The following CRTAC1 variants were observed in gnomAD, a reference collection of about 807,000 sequenced individuals.
CRTAC1 encodes the protein cartilage acidic protein 1.
In CRTAC1, 37 loss-of-function variants were observed where a neutral mutation model predicts 67.8. The ratio of observed to expected loss-of-function variants is 0.55; its 90% CI spans 0.42 to 0.72. CRTAC1 has a LOEUF of 0.72. CRTAC1 is among the 30% of genes least tolerant of loss of function. The pLI, the probability that CRTAC1 is intolerant of heterozygous loss-of-function variation, is 0.00. For missense variants in CRTAC1, 780 were observed against 931.6 expected, an observed-to-expected ratio of 0.84 and a Z score of 2.12; for synonymous variants, 348 against 371.0, an observed-to-expected ratio of 0.94 and a Z score of 0.71.
intron 2 of CRTAC1, among the ~76,000 whole-genome samples, chr10:98,001,560 A>T (rs1427103526): frequency 2.0e-5 from 3 of 152,102 alleles, no homozygotes; most frequent in Admixed American, 6.5e-5. Flanking sequence ...AAAAAAAAAA[A>T]ATGTGACTTA....
At chr10:97,911,173 A>G (rs1255206945) in intron 5 of CRTAC1, among the ~76,000 whole-genome samples, 5 of 152,134 alleles carry the variant, frequency 3.3e-5, no homozygotes, top group African/African-American at 1.2e-4. Context: ...GCCCCTGGAA[A>G]TTCCAGGTGG....
chr10:97,962,770 G>A (rs73332597), intron 2 of CRTAC1, among the ~76,000 whole-genome samples: 3,211 of 150,124 alleles, frequency 0.021, 101 homozygotes, highest in African/African-American at 0.074. Flanking sequence ...CTGTCACCGC[G>A]CATTAAATTA....
At chr10:97,879,885 T>A (rs2136536575) in intron 14 of CRTAC1, 1 of 1,224,004 alleles carries the variant, frequency 8.2e-7, no homozygotes, top group African/African-American at 1.6e-5. Context: ...GGAAGGAGTT[T>A]GGGAAGAAGA....
At chr10:97,952,751 T>C (rs951272509) in intron 2 of CRTAC1, among the ~76,000 whole-genome samples, 2 of 152,106 alleles carry the variant, frequency 1.3e-5, no homozygotes, top group Non-Finnish European at 2.9e-5. Flanking sequence ...TTGAGTCTAG[T>C]ACAAAAAAGA....
chr10:97,969,443 T>C (rs2136651280), intron 2 of CRTAC1, among the ~76,000 whole-genome samples: 1 of 152,330 alleles, frequency 6.6e-6, no homozygotes, highest in Non-Finnish European at 1.5e-5. Flanking sequence ...CCTTCCTTTC[T>C]CTTTCTCCTC....
chr10:97,876,253 C>T (rs2050146199), intron 14 of CRTAC1, among the ~76,000 whole-genome samples: 1 of 152,190 alleles, frequency 6.6e-6, no homozygotes, highest in Admixed American at 6.5e-5. Context: ...CTGTATGACC[C>T]TGCACAAACC....
chr10:97,936,293 G>A lies in CRTAC1; in HGVS notation c.298C>T (p.Arg100Cys), dbSNP rs752821214. 9.9e-6 allele frequency: 16 copies of A among 1,613,986 alleles called. No individual in the cohort carries two copies. The highest frequency in any genetic ancestry group is 5.5e-5 in the South Asian group (5 of 91,056). ...KRLVNIAVDE[R>C]SSPYYALRDR... ...CGCAGCGCGTAGTAGGGTGAGCTGCGCTCATCGACCGCGATGTTCACCAGC... is the reference window on the plus strand; with the variant it reads ...CGCAGCGCGTAGTAGGGTGAGCTGCACTCATCGACCGCGATGTTCACCAGC... Residue 100 changes from arginine to cysteine, a missense_variant, in exon 3 of 15, where the codon CGC (arginine) becomes TGC (cysteine). Coordinates refer to ENST00000370597, the MANE Select transcript of CRTAC1 (RefSeq NM_018058.7).
At chr10:97,940,566 C>T (rs1181031424) in intron 2 of CRTAC1, among the ~76,000 whole-genome samples, 3 of 152,362 alleles carry the variant, frequency 2.0e-5, no homozygotes, top group East Asian at 3.9e-4. Context: ...ATGACCAACC[C>T]GTGCTGTGAG....
At chr10:97,922,201 C>T (rs1237643655) in intron 4 of CRTAC1, among the ~76,000 whole-genome samples, 2 of 152,196 alleles carry the variant, frequency 1.3e-5, no homozygotes, top group African/African-American at 2.4e-5. Context: ...TCTACTCCCA[C>T]CAGGCAGGAG....
chr10:97,998,982 G>C (rs1842637061), intron 2 of CRTAC1, among the ~76,000 whole-genome samples: 1 of 152,160 alleles, frequency 6.6e-6, no homozygotes, highest in African/African-American at 2.4e-5. Flanking sequence ...CAAATCAATA[G>C]GGGTAAAAAA....
At chr10:97,933,501 C>T (rs564603622) in intron 3 of CRTAC1, among the ~76,000 whole-genome samples, 2 of 152,338 alleles carry the variant, frequency 1.3e-5, no homozygotes, top group Admixed American at 6.5e-5. Context: ...TTTAACTTAG[C>T]TCTTAGGATA....
chr10:97,890,140 A>G (rs1331175152), intron 11 of CRTAC1, among the ~76,000 whole-genome samples: 1 of 151,814 alleles, frequency 6.6e-6, no homozygotes, highest in Admixed American at 6.6e-5. Flanking sequence ...TATGTAAGAC[A>G]GGCTCTCACT....
intron 2 of CRTAC1, among the ~76,000 whole-genome samples, chr10:97,944,623 C>G (rs975486682): frequency 6.6e-6 from 1 of 152,162 alleles, no homozygotes; most frequent in African/African-American, 2.4e-5. Context: ...TGTTACTCCA[C>G]TCATGAAGAC....
chr10:97,998,649 T>G (rs1215243798), intron 2 of CRTAC1, among the ~76,000 whole-genome samples: 1 of 152,088 alleles, frequency 6.6e-6, no homozygotes, highest in Non-Finnish European at 1.5e-5. Flanking sequence ...TCTTTGGAAT[T>G]AAAGTGATCC....
chr10:97,916,050 T>C (rs2050754873), intron 5 of CRTAC1, among the ~76,000 whole-genome samples: 1 of 152,114 alleles, frequency 6.6e-6, no homozygotes, highest in African/African-American at 2.4e-5. Context: ...GCCCCCTTCA[T>C]GCTCAAACCC....
chr10:97,986,435 A>G (rs2051984824), intron 2 of CRTAC1, among the ~76,000 whole-genome samples: 2 of 152,312 alleles, frequency 1.3e-5, no homozygotes, highest in South Asian at 4.1e-4. Flanking sequence ...CTAGAGCAGT[A>G]CTTTCCAACG....
chr10:97,891,398 T>C (rs753830473), intron 11 of CRTAC1, among the ~76,000 whole-genome samples: 4 of 152,230 alleles, frequency 2.6e-5, no homozygotes, highest in Non-Finnish European at 5.9e-5. Flanking sequence ...TAGGCCCTCG[T>C]CCACCCCTTC....
intron 3 of CRTAC1, among the ~76,000 whole-genome samples, chr10:97,935,172 C>A (rs189716316): frequency 1.3e-5 from 2 of 152,300 alleles, no homozygotes; most frequent in East Asian, 3.9e-4. Context: ...CTGGGACTTA[C>A]AAGCTGCATG....
At position 98,030,252 on chromosome 10, in the gene CRTAC1, G is replaced by A. The variant is rs1390180253; in HGVS notation, c.24+197C>T. 6.6e-6 allele frequency among the ~76,000 whole-genome samples: 1 copy of A among 151,976 alleles called. No homozygotes were observed. Among genetic ancestry groups the A allele is most frequent in the Non-Finnish European group, 1.5e-5 (1 of 67,942 alleles). On this transcript the variant is annotated intron_variant, in intron 1 of 14. Coordinates refer to ENST00000370597, the MANE Select transcript of CRTAC1 (RefSeq NM_018058.7). This position sits in a 1 kb window ranked among gnomAD's most constrained non-coding sequence, Gnocchi z 4.2. ...CCGGCCGCCGCCTCACCCCCAGCCC[G>A]CGGGGGAGGCTCCGCGCGCCAATCG...
Sources: allele counts gnomAD v4.1 joint callset (sites outside exome capture counted in the v4.1 genomes callset), GRCh38; gene constraint gnomAD v4.1.1; non-coding constraint Gnocchi (gnomAD v3.1); transcripts MANE v1.5; gene names NCBI Gene and HGNC (gene_info 2026-07-23, HGNC 2026-07-21).